Variants in FNDC3A observed in about 807,000 individuals in gnomAD.
The protein encoded by FNDC3A is fibronectin type-III domain-containing protein 3A.
In FNDC3A, 32 loss-of-function variants were observed where a neutral mutation model predicts 148.9. The ratio of observed to expected loss-of-function variants is 0.21; its 90% CI spans 0.16 to 0.29. The LOEUF is 0.29. FNDC3A is among the 10% of genes least tolerant of loss of function. The probability of loss-of-function intolerance (pLI) is 1.00; values close to 1 mark genes in which losing one functional copy is unlikely to be tolerated. For synonymous variants in FNDC3A, 472 were observed against 473.6 expected, an observed-to-expected ratio of 1.00 and a Z score of 0.04; for missense variants, 1,191 against 1,452.8, an observed-to-expected ratio of 0.82 and a Z score of 2.93.
rs1446108817 is a variant in FNDC3A, at chr13:49,191,321, A to G, written c.2163A>G (p.Thr721=). The G allele has an allele frequency of 6.2e-7, 1 of 1,613,128 alleles. No homozygotes were observed. Among genetic ancestry groups the G allele is most frequent in the African/African-American group, 1.3e-5 (1 of 74,902 alleles). ...ACCAAGGTTCTGAAGTAGAATGTAC[A>G]GTGAGCAGCCTTCTTCCTGGAAAGA... ...EVYQGSEVEC[T]VSSLLPGKTY... The change falls in exon 19 of 26, where the codon ACA becomes ACG. Residue 721 remains threonine, a synonymous_variant. Coordinates refer to ENST00000492622, the MANE Select transcript of FNDC3A (RefSeq NM_001079673.2).
intron 3 of FNDC3A, among the ~76,000 whole-genome samples, chr13:49,076,162 T>TAG (rs1878097830): frequency 6.6e-6 from 1 of 152,180 alleles, no homozygotes; most frequent in South Asian, 2.1e-4. Context: ...GCTTTGGAAT[T>TAG]AGAGAGAGAG....
At chr13:49,175,924 C>T (rs189756785) in intron 13 of FNDC3A, among the ~76,000 whole-genome samples, 292 of 152,268 alleles carry the variant, frequency 1.9e-3, no homozygotes, top group Non-Finnish European at 3.5e-3. Flanking sequence ...TGAATTTTAT[C>T]AAAGGCCTTT....
At chr13:49,154,110 A>C (rs1292315997) in intron 8 of FNDC3A, among the ~76,000 whole-genome samples, 2 of 134,514 alleles carry the variant, frequency 1.5e-5, no homozygotes, top group African/African-American at 5.6e-5. Context: ...TACCTTGGGC[A>C]GTATGGCCAT....
chr13:48,978,673 T>G (rs997230837), intron 1 of FNDC3A, among the ~76,000 whole-genome samples: 1 of 152,136 alleles, frequency 6.6e-6, no homozygotes, highest in Non-Finnish European at 1.5e-5. Context: ...TTTGTTTTTT[T>G]TGTTTTGTTT....
At chr13:49,090,831 C>T (rs560894333) in intron 3 of FNDC3A, among the ~76,000 whole-genome samples, 1 of 152,096 alleles carries the variant, frequency 6.6e-6, no homozygotes, top group East Asian at 1.9e-4. Flanking sequence ...ATCTCTACTA[C>T]TGAAAATTTT....
chr13:48,981,982 A>G (rs1951701767), intron 1 of FNDC3A, among the ~76,000 whole-genome samples: 1 of 152,134 alleles, frequency 6.6e-6, no homozygotes, highest in South Asian at 2.1e-4. Context: ...AAACCGACAG[A>G]CACATAATTT....
At chr13:49,112,881 G>A (rs1880665501) in intron 3 of FNDC3A, among the ~76,000 whole-genome samples, 1 of 152,150 alleles carries the variant, frequency 6.6e-6, no homozygotes, top group South Asian at 2.1e-4. Context: ...ACAACTTCAT[G>A]TATTTGGTGG....
At chr13:49,054,153 G>C (rs1005184982) in intron 2 of FNDC3A, among the ~76,000 whole-genome samples, 4 of 152,140 alleles carry the variant, frequency 2.6e-5, no homozygotes, top group Admixed American at 1.3e-4. Flanking sequence ...AGTTTTTCAG[G>C]TTCAGTTGGG....
chr13:49,204,216 G>C (rs535509461), intron 25 of FNDC3A, among the ~76,000 whole-genome samples: 1 of 152,208 alleles, frequency 6.6e-6, no homozygotes, highest in Non-Finnish European at 1.5e-5. Context: ...AAGAATAGCA[G>C]TGAGATAGAG....
intron 8 of FNDC3A, among the ~76,000 whole-genome samples, chr13:49,161,645 A>G (rs1482896604): frequency 6.6e-6 from 1 of 152,156 alleles, no homozygotes; most frequent in South Asian, 2.1e-4. Context: ...TGATCCTGTC[A>G]TTATGATGTT....
intron 2 of FNDC3A, among the ~76,000 whole-genome samples, chr13:49,066,410 AT>A (rs1351556973): frequency 6.6e-6 from 1 of 152,154 alleles, no homozygotes; most frequent in Non-Finnish European, 1.5e-5. Context: ...AGTATCTGGC[AT>A]TTATGGTGCC....
chr13:49,077,862 G>A lies in FNDC3A; in HGVS notation c.175+2498G>A, dbSNP rs79362550. Among the ~76,000 whole-genome samples the A allele has an allele frequency of 1.4e-4, 21 of 152,270 alleles. No homozygotes were observed. In the East Asian group the frequency reaches 2.9e-3, roughly 21 times the overall value. ...AGCAGTTATGGCAATTTCACAAATA[G>A]GAAGAGTTCACATATTATACTTAAA... On this transcript the variant is annotated intron_variant, in intron 3 of 25. Transcript: ENST00000492622.
intron 3 of FNDC3A, among the ~76,000 whole-genome samples, chr13:49,088,073 A>T (rs1280268913): frequency 6.6e-6 from 1 of 152,174 alleles, no homozygotes. Context: ...TTAGGTTAAG[A>T]TTAGCCCAAT....
chr13:49,178,836 C>T (rs187834235), intron 14 of FNDC3A, among the ~76,000 whole-genome samples, 182 bp downstream of exon 14: 1 of 152,014 alleles, frequency 6.6e-6, no homozygotes, highest in Non-Finnish European at 1.5e-5. Flanking sequence ...GGGCTCAAGT[C>T]ATCCTCCCAC....
At chr13:49,155,403 T>C (rs895424978) in intron 8 of FNDC3A, among the ~76,000 whole-genome samples, 1 of 151,544 alleles carries the variant, frequency 6.6e-6, no homozygotes, top group Non-Finnish European at 1.5e-5. Context: ...ATTTGATTCT[T>C]CTCTCTTTTT....
intron 17 of FNDC3A, among the ~76,000 whole-genome samples, chr13:49,188,846 A>T (rs1450938212): frequency 6.6e-6 from 1 of 152,236 alleles, no homozygotes; most frequent in Non-Finnish European, 1.5e-5. Flanking sequence ...TCTGGTTGGT[A>T]TTCAGCTTTG....
chr13:49,207,464 C>A lies in FNDC3A; in HGVS notation c.*69C>A. The stretch of plus-strand genomic sequence containing the variant: ...ATGTACTAAAATTATTTCTGTATTG[C>A]TTTTATAAAAAACAGTGGCATTTAG... On this transcript the variant is annotated 3_prime_UTR_variant, in exon 26 of 26. Coordinates refer to ENST00000492622, the MANE Select transcript of FNDC3A (RefSeq NM_001079673.2). 9.5e-7 allele frequency: 1 copy of A among 1,055,716 alleles called. No individual in the cohort carries two copies. Among genetic ancestry groups the A allele is most frequent in the Non-Finnish European group, 1.4e-6 (1 of 732,934 alleles). The allele number at this position is 1,055,716 out of a possible 1,614,324, so 65.4% of individuals were successfully genotyped here. A position where few individuals can be genotyped will look rare whatever the true frequency, so the allele number is the denominator to read the frequency against.
At chr13:49,029,235 CAATG>C (rs1288245616) in intron 2 of FNDC3A, among the ~76,000 whole-genome samples, 5 of 151,902 alleles carry the variant, frequency 3.3e-5, no homozygotes, top group Non-Finnish European at 7.4e-5. Context: ...TCTTCAAACA[CAATG>C]AAATGAAATT....
chr13:49,064,332 C>T (rs1438668493), intron 2 of FNDC3A, among the ~76,000 whole-genome samples: 2 of 151,002 alleles, frequency 1.3e-5, no homozygotes, highest in African/African-American at 4.9e-5. Flanking sequence ...CAGAGCAAGA[C>T]TCCGTCTCAA....
Sources: gnomAD v4.1 joint callset for allele counts (sites outside exome capture counted in the v4.1 genomes callset) on GRCh38, gnomAD v4.1.1 for gene constraint, MANE v1.5 for transcripts, NCBI Gene and HGNC (gene_info 2026-07-23, HGNC 2026-07-21) for gene names.